SPHKAP: variants seen among roughly 807,000 people sequenced by gnomAD.
The protein encoded by SPHKAP is SPHK1 interactor, AKAP domain containing.
SPHKAP carries 67 observed loss-of-function variants against 137.5 expected under a neutral mutation model. The ratio of observed to expected loss-of-function variants is 0.49; its 90% CI spans 0.40 to 0.60. The LOEUF is 0.60. SPHKAP is among the 20% of genes least tolerant of loss of function. SPHKAP has a pLI of 0.00. For synonymous variants in SPHKAP, 813 were observed against 785.3 expected (o/e 1.04, Z -0.59); for missense variants, 2,097 against 2,069.3 (o/e 1.01, Z -0.26).
intron 2 of SPHKAP, 182 bp downstream of exon 2, chr2:228,131,798 C>T: frequency 1.0e-6 from 1 of 984,182 alleles, no homozygotes; most frequent in South Asian, 4.7e-5. Context: ...CCTGAATTTT[C>T]TCATCATTTC....
In SPHKAP at chr2:228,070,745, C is replaced by T. The variant is rs188303965; in HGVS notation, c.246+38087G>A. On this transcript the variant is annotated intron_variant, in intron 3 of 11. Transcript: ENST00000392056. ...ATAACAACGATGGCATCTTCAGTGG[C>T]GCAATCATTCCTGATTTTCATGAAG... 5.3e-5 allele frequency among the ~76,000 whole-genome samples: 8 copies of T among 152,186 alleles called. No homozygotes were observed. The East Asian group carries it at 7.7e-4, about 15-fold the overall frequency.
intron 11 of SPHKAP, among the ~76,000 whole-genome samples, chr2:227,985,968 T>C (rs1019659500): frequency 6.6e-6 from 1 of 152,192 alleles, no homozygotes; most frequent in Admixed American, 6.5e-5. Flanking sequence ...AGTCTGAGCC[T>C]TGGCTGCACT....
At chr2:228,169,144 G>A (rs1700507651) in intron 1 of SPHKAP, among the ~76,000 whole-genome samples, 1 of 152,132 alleles carries the variant, frequency 6.6e-6, no homozygotes, top group South Asian at 2.1e-4. Context: ...ATATATAGAA[G>A]TGCAAAGTCA....
At chr2:228,006,587 G>T (rs1193785198) in intron 7 of SPHKAP, among the ~76,000 whole-genome samples, 7 of 152,042 alleles carry the variant, frequency 4.6e-5, no homozygotes, top group Non-Finnish European at 5.9e-5. Flanking sequence ...TGGTGAGGAG[G>T]TGCGTTCCTT....
intron 3 of SPHKAP, among the ~76,000 whole-genome samples, chr2:228,105,643 C>T (rs1295348205): frequency 6.6e-5 from 10 of 152,100 alleles, no homozygotes; most frequent in Non-Finnish European, 5.9e-5. Flanking sequence ...GAGAGGGACC[C>T]AGTGGGAGAT....
intron 1 of SPHKAP, among the ~76,000 whole-genome samples, chr2:228,134,445 G>A (rs546534861): frequency 1.1e-4 from 17 of 152,210 alleles, no homozygotes; most frequent in African/African-American, 2.6e-4. Flanking sequence ...GTCACTTGGC[G>A]AAATATCAGA....
intron 3 of SPHKAP, among the ~76,000 whole-genome samples, chr2:228,099,792 T>C (rs1698125112): frequency 6.6e-6 from 1 of 152,032 alleles, no homozygotes; most frequent in Non-Finnish European, 1.5e-5. Flanking sequence ...TGTGTGTGTG[T>C]TGTGTTATTT....
At chr2:228,099,853 T>G (rs935494062) in intron 3 of SPHKAP, among the ~76,000 whole-genome samples, 3 of 129,166 alleles carry the variant, frequency 2.3e-5, no homozygotes, top group Admixed American at 7.6e-5. Context: ...TGATTTTTTT[T>G]TGTTTGTTTT....
chr2:228,023,629 T>C (rs895862403), intron 5 of SPHKAP, among the ~76,000 whole-genome samples: 3 of 152,102 alleles, frequency 2.0e-5, no homozygotes, highest in East Asian at 1.9e-4. Flanking sequence ...CGAGTGCCTA[T>C]TGCATGCAAA....
intron 7 of SPHKAP, among the ~76,000 whole-genome samples, chr2:228,004,206 T>A (rs1694032987): frequency 6.6e-6 from 1 of 152,192 alleles, no homozygotes; most frequent in South Asian, 2.1e-4. Flanking sequence ...TTTTTTTGGT[T>A]GGTAGGCTAT....
intron 7 of SPHKAP, among the ~76,000 whole-genome samples, chr2:228,015,383 C>T (rs946412260): frequency 4.6e-5 from 7 of 151,690 alleles, no homozygotes; most frequent in Non-Finnish European, 1.0e-4. Context: ...AATAAACATA[C>T]GTGTTCATGT....
chr2:228,082,179 A>G (rs573441682), intron 3 of SPHKAP, among the ~76,000 whole-genome samples: 55 of 152,312 alleles, frequency 3.6e-4, no homozygotes, highest in African/African-American at 1.2e-3. Flanking sequence ...AAAATCAAGG[A>G]TATGAAATCA....
chr2:228,024,365 T>A (rs1694953297), intron 5 of SPHKAP, among the ~76,000 whole-genome samples: 1 of 123,174 alleles, frequency 8.1e-6, no homozygotes, highest in Admixed American at 8.7e-5. Flanking sequence ...TTTTTTTAAA[T>A]CTGTGAATTC....
Position 228,151,817 on chromosome 2 carries a change from T to A in SPHKAP, c.33-19732A>T, listed in dbSNP as rs547386059. Among the ~76,000 whole-genome samples the A allele has an allele frequency of 2.0e-5, 3 of 152,268 alleles. No individual in the cohort carries two copies. In the East Asian group the frequency reaches 5.8e-4, roughly 29 times the overall value. On this transcript the variant is annotated intron_variant, in intron 1 of 11. Transcript: ENST00000392056. ...TGTTTTTAAAATCTCAGAGGATAGG[T>A]GCTTATTATATTTAGTATTATATTT... is the stretch of plus-strand genomic sequence containing the variant.
chr2:228,060,892 A>G (rs1171256965), intron 3 of SPHKAP, among the ~76,000 whole-genome samples: 1 of 152,134 alleles, frequency 6.6e-6, no homozygotes, highest in African/African-American at 2.4e-5. Flanking sequence ...CCGAGAAAGG[A>G]CCATGGAAAT....
At chr2:228,023,256 C>T (rs1486161199) in intron 5 of SPHKAP, among the ~76,000 whole-genome samples, 3 of 152,110 alleles carry the variant, frequency 2.0e-5, no homozygotes, top group Admixed American at 6.5e-5. Context: ...AATAAAATTC[C>T]CCTAAATGCA....
chr2:228,031,799 T>A (rs1424964875), intron 3 of SPHKAP, among the ~76,000 whole-genome samples: 1 of 152,036 alleles, frequency 6.6e-6, no homozygotes, highest in Admixed American at 6.6e-5. Flanking sequence ...TCTAGCAAAC[T>A]CCAACAGACC....
intron 7 of SPHKAP, among the ~76,000 whole-genome samples, chr2:227,999,976 G>C (rs965310822): frequency 2.6e-5 from 4 of 152,208 alleles, no homozygotes; most frequent in African/African-American, 9.6e-5. Context: ...CACTCTTGAT[G>C]TTGCATGTTC....
At chr2:228,054,191 A>T (rs983299450) in intron 3 of SPHKAP, among the ~76,000 whole-genome samples, 10 of 152,176 alleles carry the variant, frequency 6.6e-5, no homozygotes, top group African/African-American at 2.4e-4. Context: ...CGTGGAGAGG[A>T]TTTGATTATC....
Sources: allele counts gnomAD v4.1 joint callset (sites outside exome capture counted in the v4.1 genomes callset), GRCh38; gene constraint gnomAD v4.1.1; transcripts MANE v1.5; gene names NCBI Gene and HGNC (gene_info 2026-07-23, HGNC 2026-07-21).